Variants in PRICKLE1 observed in about 807,000 individuals in gnomAD.
The protein encoded by PRICKLE1 is prickle planar cell polarity protein 1.
A neutral mutation model predicts 70.2 loss-of-function variants in PRICKLE1; 14 were observed. The observed-to-expected ratio is 0.20, with a 90% CI of 0.13 to 0.31. The LOEUF is 0.31. Among genes scored for constraint, PRICKLE1 ranks in the 10% least tolerant of loss-of-function variants. The pLI, the probability that PRICKLE1 is intolerant of heterozygous loss-of-function variation, is 1.00. For synonymous variants in PRICKLE1, 357 were observed against 379.9 expected, an observed-to-expected ratio of 0.94 and a Z score of 0.70; for missense variants, 821 against 1,026.2, an observed-to-expected ratio of 0.80 and a Z score of 2.73.
At chr12:42,477,440 G>T (rs12368590) in intron 1 of PRICKLE1, among the ~76,000 whole-genome samples, 2 of 103,402 alleles carry the variant, frequency 1.9e-5, no homozygotes, top group African/African-American at 4.0e-5. Flanking sequence ...ATGTATATAT[G>T]TGTATATATG....
intron 1 of PRICKLE1, among the ~76,000 whole-genome samples, chr12:42,492,589 G>A (rs527572255): frequency 1.3e-5 from 2 of 152,284 alleles, no homozygotes; most frequent in South Asian, 4.1e-4. Flanking sequence ...GCAACTGTAG[G>A]AATTTAAAGG....
At chr12:42,535,036 C>T (rs1230568074) in intron 1 of PRICKLE1, among the ~76,000 whole-genome samples, 2 of 152,200 alleles carry the variant, frequency 1.3e-5, no homozygotes, top group African/African-American at 4.8e-5. Flanking sequence ...AGAACCCACC[C>T]TCGGGTTTAG....
intron 1 of PRICKLE1, among the ~76,000 whole-genome samples, chr12:42,485,877 A>G (rs1056083963): frequency 6.6e-6 from 1 of 152,190 alleles, no homozygotes; most frequent in Non-Finnish European, 1.5e-5. Context: ...ATGGTTTATT[A>G]CCCATTGTAA....
intron 1 of PRICKLE1, among the ~76,000 whole-genome samples, chr12:42,507,700 C>A (rs972878779): frequency 6.6e-6 from 1 of 152,168 alleles, no homozygotes; most frequent in African/African-American, 2.4e-5. Context: ...ACTGAGCAGG[C>A]GGCAGAGCCT....
chr12:42,464,846 T>C lies in PRICKLE1; in HGVS notation c.1188A>G (p.Arg396=). ...GGTCTTCTGGAGTTTCCTGCTCTAC[T>C]CTGCCTTTCCAAAATTCTTCACTGG... ...SFASEEFWKG[R]VEQETPEDPE... Residue 396 remains arginine, a synonymous_variant, in exon 7 of 8, where the codon AGA becomes AGG. Coordinates refer to ENST00000345127, the MANE Select transcript of PRICKLE1 (RefSeq NM_153026.3). This position sits in a 1 kb window ranked among gnomAD's most constrained non-coding sequence, Gnocchi z 4.2. 1 of 1,614,150 alleles carries C rather than the reference T, an allele frequency of 6.2e-7. No individual in the cohort carries two copies. The highest frequency in any genetic ancestry group is 1.1e-5 in the South Asian group (1 of 91,080).
intron 1 of PRICKLE1, among the ~76,000 whole-genome samples, chr12:42,570,836 T>C (rs147169353): frequency 4.4e-4 from 67 of 152,228 alleles, no homozygotes; most frequent in African/African-American, 1.5e-3. Flanking sequence ...AATAAATACA[T>C]AAAAATTCTG....
Position 42,466,499 on chromosome 12 carries a change from T to C in PRICKLE1, c.589-119A>G. The C allele has an allele frequency of 3.7e-6, 3 of 817,898 alleles. No homozygotes were observed. The South Asian group carries it at 4.5e-5, about 12-fold the overall frequency. The allele number at this position is 817,898 out of a possible 1,614,324, so 50.7% of individuals were successfully genotyped here. A position where few individuals can be genotyped will look rare whatever the true frequency, so the allele number is the denominator to read the frequency against. On this transcript the variant is annotated intron_variant, in intron 5 of 7. Transcript: ENST00000345127. ...GACACTGGCTCTTAAAAAAATCAGA[T>C]AGCTAACCTTGTTTCTTAGAGTCAC... is the stretch of plus-strand genomic sequence containing the variant.
At chr12:42,471,966 G>T (rs923038689) in intron 2 of PRICKLE1, among the ~76,000 whole-genome samples, 7 of 152,152 alleles carry the variant, frequency 4.6e-5, no homozygotes, top group Non-Finnish European at 1.0e-4. Context: ...TCACTATCTC[G>T]CTTCCAAAGC....
chr12:42,500,086 C>T lies in PRICKLE1; in HGVS notation c.-48-27522G>A, dbSNP rs954086502. On this transcript the variant is annotated intron_variant, in intron 1 of 7. Transcript: ENST00000345127. Reference sequence around the variant, plus strand: ...AATTTTTAATACCATATTATTTCAGCCAGAAATGAAGCAATGATTGTCAGT... The same window carrying T: ...AATTTTTAATACCATATTATTTCAGTCAGAAATGAAGCAATGATTGTCAGT... Among the ~76,000 whole-genome samples, 3 of 152,046 alleles carry T rather than the reference C, an allele frequency of 2.0e-5. No homozygotes were observed. In the East Asian group the frequency reaches 5.8e-4, roughly 29 times the overall value.
rs557639324 is a variant in PRICKLE1 at position 42,460,342 on chromosome 12, T to C, written c.1963A>G (p.Arg655Gly). 3 of 1,614,144 alleles carry C rather than the reference T, an allele frequency of 1.9e-6. No homozygotes were observed. Among genetic ancestry groups the C allele is most frequent in the Admixed American group, 1.7e-5 (1 of 60,014 alleles). The change falls in exon 8 of 8, where the codon AGG (arginine) becomes GGG (glycine). Residue 655 changes from arginine (R) to glycine (G), a missense_variant. Arg to Gly is a moderately radical substitution (Grantham distance 125, BLOSUM62 -2). Coordinates refer to ENST00000345127, the MANE Select transcript of PRICKLE1 (RefSeq NM_153026.3). ...IEIRQPPMSE[R>G]TRRRVYNFEE... ...AAATTGTAGACGCGTCTCCGAGTCC[T>C]TTCACTCATCGGAGGCTGCCGGATT...
intron 1 of PRICKLE1, chr12:42,484,393 T>C (rs1475180357): frequency 6.6e-6 from 1 of 152,060 alleles, no homozygotes; most frequent in East Asian, 1.9e-4. Flanking sequence ...CACGAAACGC[T>C]GGGAGAATAT....
Position 42,460,487 on chromosome 12 carries a change from T to A in PRICKLE1, c.1818A>T (p.Lys606Asn). 1 of 1,613,750 alleles carries A rather than the reference T, an allele frequency of 6.2e-7. No individual in the cohort carries two copies. Among genetic ancestry groups the A allele is most frequent in the South Asian group, 1.1e-5 (1 of 91,082 alleles). Residue 606 changes from lysine (K) to asparagine (N), a missense_variant, in exon 8 of 8, where the codon AAA becomes AAT. Coordinates refer to ENST00000345127, the MANE Select transcript of PRICKLE1 (RefSeq NM_153026.3). ...GTACTGGCTTCTCTTCAGGCAGGAT[T>A]TTCTCTGGACACAACTCTGAACTTA... ...KSLSSELCPE[K>N]ILPEEKPVHL...
intron 3 of PRICKLE1, 112 bp from the exon 4 acceptor site, chr12:42,469,699 G>A (rs1938240426): frequency 7.3e-7 from 1 of 1,364,636 alleles, no homozygotes; most frequent in East Asian, 2.3e-5. Flanking sequence ...TAGCTCGCCT[G>A]TGTCACACCC....
chr12:42,570,644 A>C (rs1034516788), intron 1 of PRICKLE1, among the ~76,000 whole-genome samples: 2 of 152,082 alleles, frequency 1.3e-5, no homozygotes, highest in Admixed American at 6.6e-5. Context: ...ACATGATGAA[A>C]TCCTGTCTCT....
intron 1 of PRICKLE1, among the ~76,000 whole-genome samples, chr12:42,572,686 G>C (rs1446957774): frequency 6.6e-6 from 1 of 151,878 alleles, no homozygotes; most frequent in South Asian, 2.1e-4. Context: ...AATCAGCAAG[G>C]CATGGTGGCA....
Position 42,468,691 on chromosome 12 carries a change from C to T in PRICKLE1, c.523G>A (p.Gly175Arg). 1 of 1,614,056 alleles carries T rather than the reference C, an allele frequency of 6.2e-7. No individual in the cohort carries two copies. Among genetic ancestry groups the T allele is most frequent in the South Asian group, 1.1e-5 (1 of 91,084 alleles). ...LVDLIYFYQD[G>R]KIHCGRHHAE... Reference sequence around the variant, plus strand: ...TGGTGCCTGCCACAGTGAATTTTTCCATCCTGATAAAAATAGATGAGGTCG... The same window carrying T: ...TGGTGCCTGCCACAGTGAATTTTTCTATCCTGATAAAAATAGATGAGGTCG... Residue 175 changes from glycine (G) to arginine (R), a missense_variant, in exon 5 of 8, where the codon GGA (glycine) becomes AGA (arginine). Transcript: ENST00000345127.
chr12:42,501,513 A>G (rs1336967076), intron 1 of PRICKLE1, among the ~76,000 whole-genome samples: 4 of 105,852 alleles, frequency 3.8e-5, no homozygotes, highest in Admixed American at 3.3e-4. Context: ...CATCTCAAAA[A>G]AAAAAAAAAA....
At chr12:42,559,190 A>G (rs1481728638) in intron 1 of PRICKLE1, among the ~76,000 whole-genome samples, 1 of 152,162 alleles carries the variant, frequency 6.6e-6, no homozygotes, top group Non-Finnish European at 1.5e-5. Flanking sequence ...TCTCATTTCA[A>G]ACTGTTTCCT....
intron 1 of PRICKLE1, among the ~76,000 whole-genome samples, chr12:42,586,600 A>G (rs1477508723): frequency 4.6e-5 from 7 of 152,202 alleles, no homozygotes; most frequent in Non-Finnish European, 1.0e-4. Context: ...GAATATAAGT[A>G]ATGATAATCT....
Sources: gnomAD v4.1 joint callset for allele counts (sites outside exome capture counted in the v4.1 genomes callset) on GRCh38, gnomAD v4.1.1 for gene constraint, Gnocchi (gnomAD v3.1) non-coding constraint, MANE v1.5 for transcripts, NCBI Gene and HGNC (gene_info 2026-07-23, HGNC 2026-07-21) for gene names.